Variants in STT3B observed in about 807,000 individuals in gnomAD.
STT3B encodes the protein STT3 oligosaccharyltransferase complex catalytic subunit B.
A neutral mutation model predicts 96.8 loss-of-function variants in STT3B; 29 were observed. The observed-to-expected ratio is 0.30, with a 90% CI of 0.22 to 0.41. The LOEUF is 0.41. Among genes scored for constraint, STT3B ranks in the 10% least tolerant of loss-of-function variants. STT3B has a pLI of 1.00. For missense variants in STT3B, 640 were observed against 1,022.3 expected, an observed-to-expected ratio of 0.63 and a Z score of 5.10; for synonymous variants, 367 against 360.0, an observed-to-expected ratio of 1.02 and a Z score of -0.22.
At chr3:31,587,038 T>C (rs1030956572) in intron 3 of STT3B, among the ~76,000 whole-genome samples, 1 of 152,156 alleles carries the variant, frequency 6.6e-6, no homozygotes, top group African/African-American at 2.4e-5. Context: ...TCTTCATTTT[T>C]GCTTTAATTT....
chr3:31,583,008 G>A (rs574346081), intron 3 of STT3B, among the ~76,000 whole-genome samples: 33 of 152,238 alleles, frequency 2.2e-4, no homozygotes, highest in Middle Eastern at 3.4e-3. Context: ...GAAGAATTGT[G>A]TATGCTGTCG....
chr3:31,615,788 T>G (rs1699293894), intron 6 of STT3B, among the ~76,000 whole-genome samples: 1 of 151,958 alleles, frequency 6.6e-6, no homozygotes, highest in African/African-American at 2.4e-5. Flanking sequence ...TTAACCATTG[T>G]AAAATGGACT....
chr3:31,571,692 G>A (rs1485527344), intron 1 of STT3B, among the ~76,000 whole-genome samples: 1 of 152,004 alleles, frequency 6.6e-6, no homozygotes, highest in East Asian at 1.9e-4. Context: ...AAATCAGGCA[G>A]CTAAAGCTGG....
intron 2 of STT3B, 93 bp downstream of exon 2, chr3:31,576,597 C>T: frequency 2.8e-6 from 2 of 720,914 alleles, no homozygotes; most frequent in Non-Finnish European, 4.2e-6. Flanking sequence ...TTCTTGAAAG[C>T]TTTGTATAGT....
At chr3:31,543,344 T>A (rs1256552750) in intron 1 of STT3B, among the ~76,000 whole-genome samples, 1 of 152,182 alleles carries the variant, frequency 6.6e-6, no homozygotes. Context: ...ATTTTGGTGC[T>A]CATTTTTCCT....
intron 8 of STT3B, among the ~76,000 whole-genome samples, chr3:31,619,467 G>A (rs1459557485): frequency 6.6e-6 from 1 of 152,146 alleles, no homozygotes; most frequent in East Asian, 1.9e-4. Context: ...ATAATTCTCT[G>A]AATTTTACAG....
chr3:31,545,491 CT>C lies in STT3B; in HGVS notation c.314+12181del, dbSNP rs1697384714. ...AAATTGAAGTATATTTAACATACAA[CT>C]TGCATATATAATGGGCTGTCATATT... On this transcript the variant is annotated intron_variant, in intron 1 of 15. Coordinates refer to ENST00000295770, the MANE Select transcript of STT3B (RefSeq NM_178862.3). Among the ~76,000 whole-genome samples, 4 of 152,120 alleles carry C rather than the reference CT, an allele frequency of 2.6e-5. No individual in the cohort carries two copies. In the South Asian group the frequency reaches 8.3e-4, roughly 32 times the overall value.
chr3:31,535,248 A>G (rs1288148195), intron 1 of STT3B, among the ~76,000 whole-genome samples: 1 of 152,004 alleles, frequency 6.6e-6, no homozygotes, highest in African/African-American at 2.4e-5. Flanking sequence ...TCAGCCAAAG[A>G]TCCCCACTAA....
intron 5 of STT3B, among the ~76,000 whole-genome samples, chr3:31,605,314 T>C (rs936713101): frequency 6.6e-6 from 1 of 152,198 alleles, no homozygotes; most frequent in Non-Finnish European, 1.5e-5. Context: ...AATTAAAATA[T>C]AACCTGTAAT....
chr3:31,560,318 GTCTTT>G (rs1436218005), intron 1 of STT3B, among the ~76,000 whole-genome samples: 7 of 151,904 alleles, frequency 4.6e-5, no homozygotes, highest in African/African-American at 1.4e-4. Flanking sequence ...TAACATTTGA[GTCTTT>G]TCTTTGTGTG....
chr3:31,595,453 T>TA (rs1436571778), intron 3 of STT3B, among the ~76,000 whole-genome samples: 1 of 152,222 alleles, frequency 6.6e-6, no homozygotes, highest in East Asian at 1.9e-4. Context: ...TCCTTGTTTA[T>TA]AATTCTTCAG....
chr3:31,630,234 C>T (rs1699625890), intron 14 of STT3B, among the ~76,000 whole-genome samples: 1 of 152,188 alleles, frequency 6.6e-6, no homozygotes, highest in Non-Finnish European at 1.5e-5. Flanking sequence ...TGCCTAAAGG[C>T]AGAATATAAA....
chr3:31,609,588 TTTTTG>T (rs988901100), intron 5 of STT3B, among the ~76,000 whole-genome samples: 5 of 152,038 alleles, frequency 3.3e-5, no homozygotes, highest in African/African-American at 4.8e-5. Context: ...TTTTTTTGTT[TTTTTG>T]TTTTGTTTTG....
rs186393535 is a variant in STT3B, at chr3:31,624,749, C to T, written c.1728-165C>T. 2.4e-3 allele frequency among the ~76,000 whole-genome samples: 350 copies of T among 148,800 alleles called. 1 individual carries two copies. Among genetic ancestry groups the T allele is most frequent in the African/African-American group, 8.1e-3 (331 of 40,884 alleles). On this transcript the variant is annotated intron_variant, in intron 11 of 15. Transcript: ENST00000295770. ...ATTAGTTTGAATAACACCAGTCTAG[C>T]TCTTCATTGTTTCACTTTTTTTTTT...
intron 6 of STT3B, among the ~76,000 whole-genome samples, chr3:31,615,782 C>T (rs1057328010): frequency 6.6e-6 from 1 of 151,818 alleles, no homozygotes; most frequent in Admixed American, 6.6e-5. Flanking sequence ...ACTTACTTAA[C>T]CATTGTAAAA....
intron 10 of STT3B, 79 bp from the exon 11 acceptor site, chr3:31,623,595 C>T: frequency 9.1e-7 from 1 of 1,104,742 alleles, no homozygotes; most frequent in Non-Finnish European, 1.3e-6. Flanking sequence ...TAAACAGTCT[C>T]TCAACTTTTT....
intron 3 of STT3B, among the ~76,000 whole-genome samples, chr3:31,591,366 G>C (rs892547149): frequency 1.9e-4 from 29 of 151,940 alleles, no homozygotes; most frequent in Non-Finnish European, 1.5e-4. Context: ...CATTGACTGC[G>C]TATGGTTAGA....
At chr3:31,568,174 T>G (rs1441613167) in intron 1 of STT3B, among the ~76,000 whole-genome samples, 1 of 152,222 alleles carries the variant, frequency 6.6e-6, no homozygotes, top group African/African-American at 2.4e-5. Context: ...TCCATGTTGT[T>G]GTAAATGACT....
Position 31,588,991 on chromosome 3 carries a change from T to C in STT3B, c.712-7807T>C, listed in dbSNP as rs549804669. Among the ~76,000 whole-genome samples, 78 of 152,174 alleles carry C rather than the reference T, an allele frequency of 5.1e-4. 1 individual carries two copies. Among genetic ancestry groups the C allele is most frequent in the African/African-American group, 1.8e-3 (75 of 41,566 alleles). ...TTGCCTTTCCATATAAACATTCAAA[T>C]TGATTTGTTGATGTCCACAAAGTCA... On this transcript the variant is annotated intron_variant, in intron 3 of 15. Transcript: ENST00000295770.
Sources: allele counts gnomAD v4.1 joint callset (sites outside exome capture counted in the v4.1 genomes callset), GRCh38; gene constraint gnomAD v4.1.1; transcripts MANE v1.5; gene names NCBI Gene and HGNC (gene_info 2026-07-23, HGNC 2026-07-21).